The following RERG variants were observed in gnomAD, a reference collection of about 807,000 sequenced individuals.
RERG encodes the protein RAS like estrogen regulated growth inhibitor, also known as ras-related and estrogen-regulated growth inhibitor.
RERG carries 25 observed loss-of-function variants against 23.2 expected under a neutral mutation model. The ratio of observed to expected loss-of-function variants is 1.08; its 90% CI spans 0.79 to 1.50. RERG has a LOEUF of 1.50. RERG is among the 40% of genes most tolerant of loss of function. The pLI, the probability that RERG is intolerant of heterozygous loss-of-function variation, is 0.00. For missense variants in RERG, 253 were observed against 250.1 expected (o/e 1.01, Z -0.08); for synonymous variants, 81 against 89.1 (o/e 0.91, Z 0.51).
intron 2 of RERG, among the ~76,000 whole-genome samples, chr12:15,131,811 T>C (rs548079746): frequency 2.6e-4 from 39 of 152,322 alleles, no homozygotes; most frequent in Non-Finnish European, 4.9e-4. Flanking sequence ...AAATAGGCTG[T>C]GCCCACGGAT....
chr12:15,170,477 C>T (rs1304561645), intron 2 of RERG, among the ~76,000 whole-genome samples: 1 of 151,824 alleles, frequency 6.6e-6, no homozygotes, highest in African/African-American at 2.4e-5. Flanking sequence ...TTTAAAAGCA[C>T]ATTTTCTGGA....
intron 3 of RERG, among the ~76,000 whole-genome samples, chr12:15,111,838 G>C (rs1863624232): frequency 6.6e-6 from 1 of 151,972 alleles, no homozygotes; most frequent in Non-Finnish European, 1.5e-5. Flanking sequence ...ACAACACCCA[G>C]CTAATTTTTG....
chr12:15,206,150 A>T (rs1365291141), intron 2 of RERG, among the ~76,000 whole-genome samples: 1 of 152,108 alleles, frequency 6.6e-6, no homozygotes, highest in African/African-American at 2.4e-5. Flanking sequence ...GTATCATCTT[A>T]AAATCAAAGT....
At chr12:15,186,408 T>C (rs1864991553) in intron 2 of RERG, among the ~76,000 whole-genome samples, 1 of 152,068 alleles carries the variant, frequency 6.6e-6, no homozygotes, top group Non-Finnish European at 1.5e-5. Flanking sequence ...AAAATGTACA[T>C]TTAATTCTAA....
chr12:15,218,624 G>T (rs1411530611), intron 1 of RERG, among the ~76,000 whole-genome samples: 1 of 151,954 alleles, frequency 6.6e-6, no homozygotes, highest in Admixed American at 6.6e-5. Flanking sequence ...TCTCCCTGCG[G>T]CTTCTACTCA....
chr12:15,218,815 G>GT (rs773922075), intron 1 of RERG, among the ~76,000 whole-genome samples: 3 of 151,836 alleles, frequency 2.0e-5, no homozygotes, highest in Admixed American at 6.6e-5. Flanking sequence ...TCTCGTTTAT[G>GT]TTTTTTTGAC....
chr12:15,143,820 T>G (rs1006021748), intron 2 of RERG, among the ~76,000 whole-genome samples: 1 of 152,162 alleles, frequency 6.6e-6, no homozygotes, highest in South Asian at 2.1e-4. Flanking sequence ...TGGTATCTTA[T>G]TTTAAGGAAG....
intron 2 of RERG, among the ~76,000 whole-genome samples, chr12:15,134,355 AT>A (rs1864107759): frequency 6.6e-6 from 1 of 151,870 alleles, no homozygotes; most frequent in African/African-American, 2.4e-5. Context: ...TTCCAACATC[AT>A]TTGTTAAAAA....
At chr12:15,132,947 CAG>C (rs921198569) in intron 2 of RERG, among the ~76,000 whole-genome samples, 2 of 151,310 alleles carry the variant, frequency 1.3e-5, no homozygotes, top group African/African-American at 2.4e-5. Context: ...AGAAAGCACA[CAG>C]AGTTTCCATA....
At chr12:15,191,241 A>T (rs1318813174) in intron 2 of RERG, among the ~76,000 whole-genome samples, 1 of 152,144 alleles carries the variant, frequency 6.6e-6, no homozygotes, top group Non-Finnish European at 1.5e-5. Context: ...TTCTGTGTAG[A>T]CTAAAATGAT....
At chr12:15,164,544 T>C (rs1292699061) in intron 2 of RERG, among the ~76,000 whole-genome samples, 1 of 152,180 alleles carries the variant, frequency 6.6e-6, no homozygotes, top group Non-Finnish European at 1.5e-5. Flanking sequence ...GTATCACCAC[T>C]AGCAAGTTTC....
At chr12:15,126,128 C>CACATATATATATATATAT (rs1555120822) in intron 2 of RERG, among the ~76,000 whole-genome samples, 1 of 89,094 alleles carries the variant, frequency 1.1e-5, no homozygotes, top group East Asian at 3.2e-4. Flanking sequence ...TTGTATATAC[C>CACATATATATATATATAT]ATATATATAT....
chr12:15,158,300 T>A, intron 2 of RERG, among the ~76,000 whole-genome samples: 1 of 152,114 alleles, frequency 6.6e-6, no homozygotes, highest in Non-Finnish European at 1.5e-5. Flanking sequence ...TGTTTTTTTT[T>A]AGATAGAATC....
At chr12:15,183,792 G>C (rs1864956177) in intron 2 of RERG, among the ~76,000 whole-genome samples, 1 of 152,072 alleles carries the variant, frequency 6.6e-6, no homozygotes, top group African/African-American at 2.4e-5. Context: ...AAAGCAAAGG[G>C]TCATCCAGAT....
chr12:15,155,831 CATTTGTGCACAGCCTTTGAACT>C (rs1323188732), intron 2 of RERG, among the ~76,000 whole-genome samples: 1 of 150,296 alleles, frequency 6.7e-6, no homozygotes, highest in African/African-American at 2.5e-5. Context: ...TGCTGTAAAC[CATTTGTGCACAGCCTTTGAACT>C]ATTTCTCATA....
chr12:15,146,104 T>C (rs1168328467), intron 2 of RERG, among the ~76,000 whole-genome samples: 2 of 152,222 alleles, frequency 1.3e-5, no homozygotes, highest in Admixed American at 1.3e-4. Flanking sequence ...AGAAAAGTAG[T>C]AACGCTTTTT....
intron 2 of RERG, among the ~76,000 whole-genome samples, chr12:15,159,502 A>C (rs1299092472): frequency 6.6e-6 from 1 of 152,206 alleles, no homozygotes; most frequent in Non-Finnish European, 1.5e-5. Context: ...ATTTGGACAT[A>C]TTTATATCTA....
intron 2 of RERG, among the ~76,000 whole-genome samples, chr12:15,126,157 T>TATATATATATATATATC (rs1555120854): frequency 1.8e-5 from 1 of 55,460 alleles, no homozygotes; most frequent in Non-Finnish European, 4.4e-5. Flanking sequence ...ATATATGTAT[T>TATATATATATATATATC]TACACACATA....
rs189283812 is a variant in RERG at position 15,164,900 on chromosome 12, T to C, written c.62-43781A>G. ...AAAGGGTATTATTGAAGTTTTCCAG[T>C]GGAGCACTCTCTTCATTAAGCCAGG... On this transcript the variant is annotated intron_variant, in intron 2 of 4. Coordinates refer to ENST00000256953, the MANE Select transcript of RERG (RefSeq NM_032918.3). Among the ~76,000 whole-genome samples, 8 of 152,300 alleles carry C rather than the reference T, an allele frequency of 5.3e-5. No homozygotes were observed. The East Asian group carries it at 1.3e-3, about 26-fold the overall frequency.
Sources: allele counts gnomAD v4.1 joint callset (sites outside exome capture counted in the v4.1 genomes callset), GRCh38; gene constraint gnomAD v4.1.1; transcripts MANE v1.5; gene names NCBI Gene and HGNC (gene_info 2026-07-23, HGNC 2026-07-21).